CLEC16A: variants seen among roughly 807,000 people sequenced by gnomAD.
The protein encoded by CLEC16A is C-type lectin domain containing 16A.
In CLEC16A, 51 loss-of-function variants were observed where a neutral mutation model predicts 109.5. The observed-to-expected ratio is 0.47, with a 90% CI of 0.37 to 0.59. The LOEUF is 0.59. CLEC16A is among the 20% of genes least tolerant of loss of function. The pLI, the probability that CLEC16A is intolerant of heterozygous loss-of-function variation, is 0.00. For synonymous variants in CLEC16A, 673 were observed against 564.2 expected, an observed-to-expected ratio of 1.19 and a Z score of -2.73; for missense variants, 1,339 against 1,394.0, an observed-to-expected ratio of 0.96 and a Z score of 0.63.
intron 1 of CLEC16A, among the ~76,000 whole-genome samples, chr16:10,948,836 G>C (rs2041571000): frequency 6.6e-6 from 1 of 152,112 alleles, no homozygotes; most frequent in South Asian, 2.1e-4. Context: ...GTCATTTTCA[G>C]GCAGGCTGCA....
chr16:11,039,682 T>C, intron 13 of CLEC16A, 72 bp from the exon 14 acceptor site: 1 of 1,523,100 alleles, frequency 6.6e-7, no homozygotes, highest in Non-Finnish European at 8.8e-7. Context: ...AACCCCACTC[T>C]ACAGGACCTT....
intron 22 of CLEC16A, chr16:11,126,786 G>T (rs961514951): frequency 1.3e-5 from 2 of 153,114 alleles, no homozygotes; most frequent in African/African-American, 4.8e-5. Flanking sequence ...TATGCACCCC[G>T]ATCCCTCGAA....
At chr16:11,133,206 G>A (rs936441681) in intron 22 of CLEC16A, among the ~76,000 whole-genome samples, 2 of 152,124 alleles carry the variant, frequency 1.3e-5, no homozygotes, top group Non-Finnish European at 2.9e-5. Context: ...CAGTGTGGTG[G>A]CGGGCACCTG....
intron 20 of CLEC16A, among the ~76,000 whole-genome samples, chr16:11,122,525 A>G (rs2052499373): frequency 1.3e-5 from 2 of 152,020 alleles, no homozygotes; most frequent in Non-Finnish European, 2.9e-5. Flanking sequence ...TCAGGTCTTT[A>G]CTATACCAGA....
intron 10 of CLEC16A, among the ~76,000 whole-genome samples, chr16:10,993,824 C>T (rs1157677193): frequency 6.6e-6 from 1 of 152,166 alleles, no homozygotes; most frequent in Non-Finnish European, 1.5e-5. Flanking sequence ...ATTAATTCAT[C>T]CCACAAGCAT....
chr16:11,172,246 A>C (rs1416645525), intron 23 of CLEC16A, among the ~76,000 whole-genome samples: 1 of 152,200 alleles, frequency 6.6e-6, no homozygotes, highest in Admixed American at 6.5e-5. Flanking sequence ...ATACAGTCAC[A>C]CGCATACAAA....
intron 22 of CLEC16A, among the ~76,000 whole-genome samples, chr16:11,133,552 A>G (rs2053372752): frequency 6.6e-6 from 1 of 152,162 alleles, no homozygotes; most frequent in Non-Finnish European, 1.5e-5. Flanking sequence ...ACAGTGTGCT[A>G]TGAGCCAGCT....
intron 23 of CLEC16A, among the ~76,000 whole-genome samples, chr16:11,166,797 T>A (rs922382656): frequency 5.3e-5 from 8 of 152,248 alleles, no homozygotes; most frequent in Non-Finnish European, 1.0e-4. Context: ...AAGCTGTCAC[T>A]GACTGCAGAG....
intron 22 of CLEC16A, among the ~76,000 whole-genome samples, chr16:11,155,291 T>G (rs924252536): frequency 1.3e-5 from 2 of 152,214 alleles, no homozygotes; most frequent in South Asian, 4.1e-4. Flanking sequence ...TCACTCTGCT[T>G]TAGAGTGACA....
chr16:11,134,207 A>C (rs2053424031), intron 22 of CLEC16A, among the ~76,000 whole-genome samples: 1 of 145,898 alleles, frequency 6.9e-6, no homozygotes, highest in Admixed American at 6.8e-5. Context: ...TTTTTTTTGA[A>C]AGAAGGGCCT....
chr16:10,999,462 CCCTT>C, intron 10 of CLEC16A, among the ~76,000 whole-genome samples: 1 of 152,286 alleles, frequency 6.6e-6, no homozygotes, highest in South Asian at 2.1e-4. Flanking sequence ...ACTGCCTACT[CCCTT>C]CCTGCATTTT....
chr16:11,175,950 C>T (rs1355927848), intron 23 of CLEC16A, among the ~76,000 whole-genome samples: 3 of 152,236 alleles, frequency 2.0e-5, no homozygotes, highest in Non-Finnish European at 4.4e-5. Flanking sequence ...GTGAAGGTAA[C>T]GCTTGGCTAC....
chr16:10,984,382 C>T (rs1271495538), intron 10 of CLEC16A, among the ~76,000 whole-genome samples: 2 of 152,178 alleles, frequency 1.3e-5, no homozygotes, highest in Admixed American at 6.5e-5. Flanking sequence ...TCTGGCCTAT[C>T]CCTTTCTTGA....
chr16:11,051,760 A>C, intron 18 of CLEC16A, 119 bp downstream of exon 18: 1 of 1,284,274 alleles, frequency 7.8e-7, no homozygotes, highest in East Asian at 2.4e-5. Flanking sequence ...CAGCTTAGAC[A>C]GTGGATAGAG....
At chr16:11,052,208 C>G (rs2047984297) in intron 18 of CLEC16A, among the ~76,000 whole-genome samples, 1 of 152,134 alleles carries the variant, frequency 6.6e-6, no homozygotes, top group Non-Finnish European at 1.5e-5. Context: ...GCAGTGTCCT[C>G]AGGGGTGTTC....
chr16:11,156,383 A>AC (rs2054519265), intron 22 of CLEC16A, among the ~76,000 whole-genome samples: 1 of 151,504 alleles, frequency 6.6e-6, no homozygotes, highest in Non-Finnish European at 1.5e-5. Flanking sequence ...AAAAAAAAAA[A>AC]AAAACACAAC....
At chr16:11,175,047 G>T (rs2068691995) in intron 23 of CLEC16A, among the ~76,000 whole-genome samples, 1 of 152,336 alleles carries the variant, frequency 6.6e-6, no homozygotes, top group South Asian at 2.1e-4. Context: ...TTTTCTCTGA[G>T]CTTTGCCCTC....
intron 2 of CLEC16A, among the ~76,000 whole-genome samples, chr16:10,959,417 A>C (rs2042147801): frequency 6.6e-6 from 1 of 152,082 alleles, no homozygotes; most frequent in South Asian, 2.1e-4. Context: ...TGTGAGATGG[A>C]GTCTTGCTCT....
rs2145847854 is a variant in CLEC16A at position 10,954,361 on chromosome 16, T to C, written c.81-3421T>C. Among the ~76,000 whole-genome samples, 1 of 152,308 alleles carries C rather than the reference T, an allele frequency of 6.6e-6. No individual in the cohort carries two copies. The highest frequency in any genetic ancestry group is 1.9e-4 in the East Asian group (1 of 5,176). On this transcript the variant is annotated intron_variant, in intron 1 of 23. Coordinates refer to ENST00000409790, the MANE Select transcript of CLEC16A (RefSeq NM_015226.3). This position sits in a 1 kb window ranked among gnomAD's most constrained non-coding sequence, Gnocchi z 4.2. Reference sequence around the variant, plus strand: ...CGTGGGGGCTCCTAGAATCTTTTTTTCAGGACTTACCGCCCTGCCCTCTCT... The same window carrying C: ...CGTGGGGGCTCCTAGAATCTTTTTTCCAGGACTTACCGCCCTGCCCTCTCT...
Sources: gnomAD v4.1 joint callset for allele counts (sites outside exome capture counted in the v4.1 genomes callset) on GRCh38, gnomAD v4.1.1 for gene constraint, Gnocchi (gnomAD v3.1) non-coding constraint, MANE v1.5 for transcripts, NCBI Gene and HGNC (gene_info 2026-07-23, HGNC 2026-07-21) for gene names.